Variants in GALM observed in about 807,000 individuals in gnomAD.
The protein encoded by GALM is aldose 1-epimerase.
A neutral mutation model predicts 37.4 loss-of-function variants in GALM; 43 were observed. The ratio of observed to expected loss-of-function variants is 1.15; its 90% CI spans 0.90 to 1.48. The LOEUF (loss-of-function observed/expected upper bound fraction) is 1.48. GALM is among the 40% of genes most tolerant of loss of function. The pLI is 0.00. For missense variants in GALM, 456 were observed against 419.1 expected, an observed-to-expected ratio of 1.09 and a Z score of -0.77; for synonymous variants, 199 against 170.6, an observed-to-expected ratio of 1.17 and a Z score of -1.30.
chr2:38,731,992 T>A, intron 6 of GALM, 83 bp downstream of exon 6: 2 of 1,124,240 alleles, frequency 1.8e-6, no homozygotes, highest in Non-Finnish European at 2.6e-6. Context: ...TCGAATCAGC[T>A]TGTATGATTC....
intron 3 of GALM, among the ~76,000 whole-genome samples, chr2:38,688,952 C>T (rs1170094417): frequency 1.3e-5 from 2 of 152,202 alleles, no homozygotes; most frequent in Non-Finnish European, 2.9e-5. Flanking sequence ...TCCTGAGTAG[C>T]TGAGATTACA....
chr2:38,727,257 C>A (rs1666505632), intron 4 of GALM, among the ~76,000 whole-genome samples: 1 of 151,208 alleles, frequency 6.6e-6, no homozygotes, highest in Non-Finnish European at 1.5e-5. Flanking sequence ...CCTTTGTGCA[C>A]TTCCCAGATT....
At chr2:38,666,640 G>T (rs530264869) in intron 1 of GALM, among the ~76,000 whole-genome samples, 1 of 152,236 alleles carries the variant, frequency 6.6e-6, no homozygotes, top group South Asian at 2.1e-4. Flanking sequence ...CGATCCTGGA[G>T]CGATCTTTGA....
chr2:38,715,463 G>A (rs899913306), intron 4 of GALM, among the ~76,000 whole-genome samples: 1 of 152,096 alleles, frequency 6.6e-6, no homozygotes, highest in Non-Finnish European at 1.5e-5. Flanking sequence ...TTGGAGACAG[G>A]GCCTTGCTGT....
intron 4 of GALM, among the ~76,000 whole-genome samples, chr2:38,706,109 G>A (rs540670056): frequency 2.6e-5 from 4 of 152,046 alleles, no homozygotes; most frequent in South Asian, 4.1e-4. Context: ...AGGTTCAAGC[G>A]ATTCTCCTGC....
chr2:38,677,164 C>T (rs1372214636), intron 2 of GALM, among the ~76,000 whole-genome samples: 1 of 152,180 alleles, frequency 6.6e-6, no homozygotes. Context: ...TGGGTTAACC[C>T]CAGTGATTGC....
chr2:38,686,277 TTATTTTGAGATGGAGTCTCG>T (rs1665530935), intron 3 of GALM, among the ~76,000 whole-genome samples: 1 of 112,354 alleles, frequency 8.9e-6, no homozygotes, highest in Admixed American at 9.5e-5. Context: ...TCTTTCTTTC[TTATTTTGAGATGGAGTCTCG>T]CTCTGTCTCC....
intron 4 of GALM, among the ~76,000 whole-genome samples, chr2:38,728,044 A>C (rs1283005057): frequency 6.6e-6 from 1 of 152,134 alleles, no homozygotes; most frequent in Non-Finnish European, 1.5e-5. Context: ...GAGTATGTTA[A>C]CCTCCTAACA....
At chr2:38,687,875 C>T (rs1665576615) in intron 3 of GALM, among the ~76,000 whole-genome samples, 1 of 152,092 alleles carries the variant, frequency 6.6e-6, no homozygotes, top group Non-Finnish European at 1.5e-5. Flanking sequence ...GTCTTTCAGA[C>T]CATAGAATCT....
intron 1 of GALM, among the ~76,000 whole-genome samples, 168 bp downstream of exon 1, chr2:38,666,519 G>T (rs1572504831): frequency 6.6e-6 from 1 of 152,242 alleles, no homozygotes; most frequent in Non-Finnish European, 1.5e-5. Context: ...TGGCCATCCA[G>T]CATTTGGGAA....
At chr2:38,710,949 T>C (rs773002205) in intron 4 of GALM, among the ~76,000 whole-genome samples, 24 of 151,766 alleles carry the variant, frequency 1.6e-4, no homozygotes, top group Non-Finnish European at 2.9e-4. Flanking sequence ...AGACGGGGAT[T>C]CACCATCTTG....
At chr2:38,681,991 A>C (rs1453573377) in intron 3 of GALM, among the ~76,000 whole-genome samples, 1 of 152,226 alleles carries the variant, frequency 6.6e-6, no homozygotes, top group Non-Finnish European at 1.5e-5. Flanking sequence ...CTGGACTTGG[A>C]TTTAGAAGAC....
intron 4 of GALM, among the ~76,000 whole-genome samples, chr2:38,719,389 A>G (rs1666331165): frequency 6.6e-6 from 1 of 150,442 alleles, no homozygotes; most frequent in African/African-American, 2.5e-5. Context: ...TAATTGCTTG[A>G]ACCTGGGAGG....
At chr2:38,694,557 T>A (rs1332875257) in intron 4 of GALM, among the ~76,000 whole-genome samples, 1 of 151,846 alleles carries the variant, frequency 6.6e-6, no homozygotes, top group Non-Finnish European at 1.5e-5. Flanking sequence ...TTTCTTGAAA[T>A]TAAAGAGCAT....
chr2:38,683,757 G>A (rs917466117), intron 3 of GALM, among the ~76,000 whole-genome samples: 11 of 152,084 alleles, frequency 7.2e-5, no homozygotes, highest in African/African-American at 2.4e-4. Context: ...GGTAGAGATG[G>A]GGTTTCACCA....
Position 38,690,680 on chromosome 2 carries a change from G to A in GALM, c.634+786G>A, listed in dbSNP as rs550812152. On this transcript the variant is annotated intron_variant, in intron 4 of 6. Transcript: ENST00000272252. Reference sequence around the variant, plus strand: ...ACTCCTGGACTCAAGCAATCTGCCCGCCTCAGCCTCTCAGAGGGCTGGGAT... The same window carrying A: ...ACTCCTGGACTCAAGCAATCTGCCCACCTCAGCCTCTCAGAGGGCTGGGAT... Among the ~76,000 whole-genome samples the A allele has an allele frequency of 3.9e-5, 6 of 152,224 alleles. No individual in the cohort carries two copies. The South Asian group carries it at 8.3e-4, about 21-fold the overall frequency.
chr2:38,718,405 G>A (rs1666312512), intron 4 of GALM, among the ~76,000 whole-genome samples: 1 of 150,158 alleles, frequency 6.7e-6, no homozygotes, highest in Admixed American at 6.6e-5. Flanking sequence ...CGCTATGTTA[G>A]CCAGCCTGGT....
intron 4 of GALM, among the ~76,000 whole-genome samples, chr2:38,697,004 G>A (rs1277991787): frequency 6.6e-6 from 1 of 151,860 alleles, no homozygotes; most frequent in Non-Finnish European, 1.5e-5. Flanking sequence ...TGGCCAGGAT[G>A]GTCTCGAACT....
At chr2:38,683,182 A>G (rs559281085) in intron 3 of GALM, among the ~76,000 whole-genome samples, 1 of 152,192 alleles carries the variant, frequency 6.6e-6, no homozygotes, top group South Asian at 2.1e-4. Context: ...GTGTGTTCCA[A>G]TGAAGGAGAC....
Sources: allele counts gnomAD v4.1 joint callset (sites outside exome capture counted in the v4.1 genomes callset), GRCh38; gene constraint gnomAD v4.1.1; transcripts MANE v1.5; gene names NCBI Gene and HGNC (gene_info 2026-07-23, HGNC 2026-07-21).